ZPBP: variants seen among roughly 807,000 people sequenced by gnomAD.
ZPBP encodes zona pellucida binding protein.
In ZPBP, 26 loss-of-function variants were observed where a neutral mutation model predicts 44.8. The ratio of observed to expected loss-of-function variants is 0.58; its 90% CI spans 0.43 to 0.81. ZPBP has a LOEUF of 0.81. ZPBP is among the 30% of genes least tolerant of loss of function. The probability of loss-of-function intolerance (pLI) is 0.00; values close to 1 mark genes in which losing one functional copy is unlikely to be tolerated. For synonymous variants in ZPBP, 174 were observed against 153.2 expected, an observed-to-expected ratio of 1.14 and a Z score of -1.00; for missense variants, 409 against 434.0, an observed-to-expected ratio of 0.94 and a Z score of 0.51.
intron 5 of ZPBP, among the ~76,000 whole-genome samples, chr7:50,028,678 G>A (rs572288946): frequency 6.6e-6 from 1 of 150,936 alleles, no homozygotes; most frequent in South Asian, 2.1e-4. Context: ...AAAACCCAGT[G>A]TATTTCTATA....
chr7:49,861,131 C>T (rs760168826), intron 2 of ZPBP, among the ~76,000 whole-genome samples: 1 of 152,196 alleles, frequency 6.6e-6, no homozygotes, highest in Non-Finnish European at 1.5e-5. Context: ...AATTTACAAG[C>T]ATTACAATTT....
chr7:50,057,497 G>A (rs770339485), intron 4 of ZPBP, among the ~76,000 whole-genome samples: 14 of 152,218 alleles, frequency 9.2e-5, no homozygotes, highest in Non-Finnish European at 1.5e-4. Context: ...GTCTTGACTG[G>A]CAAGCCACCT....
intron 5 of ZPBP, among the ~76,000 whole-genome samples, chr7:50,027,821 A>G (rs968372770): frequency 2.0e-5 from 3 of 151,996 alleles, no homozygotes; most frequent in African/African-American, 7.2e-5. Flanking sequence ...CCTAAATGAA[A>G]TAAATCGCTA....
chr7:50,006,117 C>T (rs1430404275), intron 6 of ZPBP, among the ~76,000 whole-genome samples: 2 of 151,770 alleles, frequency 1.3e-5, no homozygotes, highest in East Asian at 1.9e-4. Flanking sequence ...AATATATATA[C>T]ACCAAACGTG....
intron 1 of ZPBP, among the ~76,000 whole-genome samples, chr7:49,927,627 C>T (rs771178332): frequency 1.3e-5 from 2 of 151,952 alleles, no homozygotes; most frequent in Non-Finnish European, 2.9e-5. Flanking sequence ...TGATTCAGAG[C>T]AAAAAAATCA....
intron 2 of ZPBP, among the ~76,000 whole-genome samples, chr7:49,874,984 C>T (rs1583727498): frequency 6.6e-6 from 1 of 151,824 alleles, no homozygotes; most frequent in African/African-American, 2.4e-5. Flanking sequence ...ATAGTTTCAT[C>T]GTTTCCAATG....
chr7:50,063,262 T>C (rs575028476), intron 3 of ZPBP, among the ~76,000 whole-genome samples: 81 of 152,286 alleles, frequency 5.3e-4, no homozygotes, highest in Middle Eastern at 3.4e-3. Flanking sequence ...TCAGGGGGAA[T>C]TGGGTTTTCT....
intron 2 of ZPBP, among the ~76,000 whole-genome samples, chr7:49,892,146 G>A (rs990191156): frequency 7.5e-6 from 1 of 133,188 alleles, no homozygotes; most frequent in African/African-American, 2.8e-5. Context: ...CCGGGTTCAC[G>A]CCATTCTCCT....
intron 3 of ZPBP, among the ~76,000 whole-genome samples, chr7:50,073,414 C>A (rs980872363): frequency 1.3e-5 from 2 of 151,902 alleles, no homozygotes; most frequent in Admixed American, 1.3e-4. Flanking sequence ...TAGAAAATAG[C>A]CTCAAAACAG....
At chr7:49,903,844 C>G (rs1239133482) in intron 1 of ZPBP, among the ~76,000 whole-genome samples, 1 of 152,108 alleles carries the variant, frequency 6.6e-6, no homozygotes, top group African/African-American at 2.4e-5. Flanking sequence ...AGCTCTCTCT[C>G]TAGTGAGAGA....
intron 1 of ZPBP, among the ~76,000 whole-genome samples, chr7:49,905,689 G>A (rs1027720707): frequency 2.6e-5 from 4 of 152,176 alleles, no homozygotes; most frequent in African/African-American, 9.7e-5. Flanking sequence ...AATAGGGGCT[G>A]GGTAAAATGA....
chr7:50,070,035 G>A (rs1801755121), intron 3 of ZPBP, among the ~76,000 whole-genome samples: 1 of 151,942 alleles, frequency 6.6e-6, no homozygotes, highest in African/African-American at 2.4e-5. Flanking sequence ...GACAAAACAA[G>A]CCTCTCTCAT....
At chr7:49,990,783 CA>C (rs1168177481) in intron 6 of ZPBP, among the ~76,000 whole-genome samples, 3 of 152,172 alleles carry the variant, frequency 2.0e-5, no homozygotes, top group Non-Finnish European at 4.4e-5. Flanking sequence ...ATGCCAAGCT[CA>C]TTGTGAATAA....
At chr7:49,912,401 C>T (rs769247738) in intron 1 of ZPBP, 3 of 474,292 alleles carry the variant, frequency 6.3e-6, no homozygotes, top group Non-Finnish European at 1.1e-5. Flanking sequence ...AAATCCTTCT[C>T]TAAATAAATG....
At chr7:50,000,339 A>G (rs988107346) in intron 6 of ZPBP, among the ~76,000 whole-genome samples, 27 of 152,130 alleles carry the variant, frequency 1.8e-4, no homozygotes, top group Non-Finnish European at 1.0e-4. Context: ...TCCCTTTCCC[A>G]GGGTCAATTA....
intron 2 of ZPBP, among the ~76,000 whole-genome samples, chr7:49,877,481 A>AAAAAATATAC: frequency 0.033 from 415 of 12,718 alleles, 129 homozygotes; most frequent in Non-Finnish European, 0.049. Flanking sequence ...AAAAAAAAAA[A>AAAAAATATAC]ATATATATAT....
At chr7:49,859,856 A>G (rs142436482) in intron 2 of ZPBP, among the ~76,000 whole-genome samples, 2 of 152,178 alleles carry the variant, frequency 1.3e-5, no homozygotes, top group Admixed American at 6.5e-5. Flanking sequence ...TCACAATTGC[A>G]TTGATGTTTA....
intron 4 of ZPBP, among the ~76,000 whole-genome samples, chr7:50,045,104 T>C (rs1372419498): frequency 2.0e-5 from 3 of 152,190 alleles, no homozygotes; most frequent in Admixed American, 6.5e-5. Context: ...CAACACCCCT[T>C]TATGCTAAAA....
intron 7 of ZPBP, among the ~76,000 whole-genome samples, chr7:49,946,420 CTT>C (rs1795106237): frequency 6.6e-6 from 1 of 151,964 alleles, no homozygotes; most frequent in Admixed American, 6.6e-5. Context: ...CTGGGGAAGT[CTT>C]TATTTCTTCT....
Sources: gnomAD v4.1 joint callset for allele counts (sites outside exome capture counted in the v4.1 genomes callset) on GRCh38, gnomAD v4.1.1 for gene constraint, MANE v1.5 for transcripts, NCBI Gene and HGNC (gene_info 2026-07-23, HGNC 2026-07-21) for gene names.